DOCK9: variants seen among roughly 807,000 people sequenced by gnomAD.
DOCK9 encodes dedicator of cytokinesis protein 9.
Under a neutral mutation model 263.3 loss-of-function variants are expected in DOCK9, and 89 were observed. The ratio of observed to expected loss-of-function variants is 0.34; its 90% CI spans 0.28 to 0.40. DOCK9 has a LOEUF of 0.40. Among genes scored for constraint, DOCK9 ranks in the 10% least tolerant of loss-of-function variants. The pLI, the probability that DOCK9 is intolerant of heterozygous loss-of-function variation, is 1.00. For missense variants in DOCK9, 2,140 were observed against 2,603.4 expected, an observed-to-expected ratio of 0.82 and a Z score of 3.87; for synonymous variants, 976 against 973.1, an observed-to-expected ratio of 1.00 and a Z score of -0.06.
intron 1 of DOCK9, chr13:99,015,664 C>A: frequency 6.6e-7 from 1 of 1,510,556 alleles, no homozygotes; most frequent in South Asian, 1.3e-5. Flanking sequence ...TCCACATCCT[C>A]TTCCTTGGCT....
chr13:98,902,097 A>G (rs1241944837), intron 12 of DOCK9, among the ~76,000 whole-genome samples, 191 bp downstream of exon 12: 6 of 152,248 alleles, frequency 3.9e-5, no homozygotes. Context: ...GAGAACTTTT[A>G]GAAAGAAGAA....
At chr13:98,921,554 T>G (rs1234764779) in intron 6 of DOCK9, among the ~76,000 whole-genome samples, 1 of 152,330 alleles carries the variant, frequency 6.6e-6, no homozygotes, top group East Asian at 1.9e-4. Flanking sequence ...CCTTTGTTAT[T>G]AATCCTGATG....
chr13:98,845,852 G>A (rs2093373215), intron 38 of DOCK9, 72 bp downstream of exon 38: 5 of 1,567,704 alleles, frequency 3.2e-6, no homozygotes, highest in South Asian at 1.2e-5. Context: ...TGGTAGGTGT[G>A]GCCTAGGGCT....
Position 98,809,435 on chromosome 13 carries a change from G to C in DOCK9, c.5284C>G (p.Arg1762Gly), listed in dbSNP as rs1334023997. The change falls in exon 47 of 53, where the codon CGG becomes GGG. Residue 1762 changes from arginine to glycine, a missense_variant. Arg to Gly is a moderately radical substitution (Grantham distance 125). Coordinates refer to ENST00000682017, the MANE Select transcript of DOCK9 (RefSeq NM_001366683.2). Reference sequence around the variant, plus strand: ...ACCTCGGTCACTTTGCTGTAGGCCCGGTGCAGCGTGTCATACAGATGGGCC... The same window carrying C: ...ACCTCGGTCACTTTGCTGTAGGCCCCGTGCAGCGTGTCATACAGATGGGCC... ...RLAHLYDTLH[R>G]AYSKVTEVMH... 6.2e-7 allele frequency: 1 copy of C among 1,612,112 alleles called. No individual in the cohort carries two copies. The highest frequency in any genetic ancestry group is 1.7e-5 in the Admixed American group (1 of 59,624).
At chr13:98,839,453 G>T (rs9584946) in intron 38 of DOCK9, among the ~76,000 whole-genome samples, 1 of 152,070 alleles carries the variant, frequency 6.6e-6, no homozygotes, top group Non-Finnish European at 1.5e-5. Flanking sequence ...TGTGGTAAGA[G>T]GGCACACACA....
chr13:99,052,816 G>A (rs2040761654), intron 1 of DOCK9, among the ~76,000 whole-genome samples: 1 of 151,600 alleles, frequency 6.6e-6, no homozygotes, highest in Non-Finnish European at 1.5e-5. Context: ...TGTTGCCCAG[G>A]CTCTTTGCCC....
At chr13:98,826,997 T>C in intron 43 of DOCK9, 110 bp from the exon 44 acceptor site, 1 of 711,612 alleles carries the variant, frequency 1.4e-6, no homozygotes, top group Non-Finnish European at 2.3e-6. Flanking sequence ...TAGATCTCAA[T>C]GCACCAGCTA....
At chr13:98,818,142 T>C (rs1462991598) in intron 45 of DOCK9, among the ~76,000 whole-genome samples, 1 of 152,220 alleles carries the variant, frequency 6.6e-6, no homozygotes, top group Non-Finnish European at 1.5e-5. Flanking sequence ...CTCACATAAG[T>C]AGAGTGTGGA....
intron 15 of DOCK9, among the ~76,000 whole-genome samples, chr13:98,889,218 C>A (rs1345317612): frequency 6.6e-6 from 1 of 152,064 alleles, no homozygotes; most frequent in Non-Finnish European, 1.5e-5. Context: ...TAGAATGATA[C>A]AATGAACTTT....
chr13:98,840,946 C>A (rs2093187673), intron 38 of DOCK9, among the ~76,000 whole-genome samples: 1 of 152,194 alleles, frequency 6.6e-6, no homozygotes, highest in Non-Finnish European at 1.5e-5. Context: ...AAGACCTAGT[C>A]TCCTAGATAC....
chr13:98,821,344 G>A (rs1266819222), intron 45 of DOCK9, among the ~76,000 whole-genome samples: 1 of 152,112 alleles, frequency 6.6e-6, no homozygotes, highest in Non-Finnish European at 1.5e-5. Context: ...AAGCTCACAG[G>A]TCCTGCCAGG....
At chr13:99,060,062 C>CTTTTTTTTTTTTTTTTTTTT (rs71114576) in intron 1 of DOCK9, among the ~76,000 whole-genome samples, 1 of 61,462 alleles carries the variant, frequency 1.6e-5, no homozygotes, top group African/African-American at 7.9e-5. Context: ...ATTGTTTCTA[C>CTTTTTTTTTTTTTTTTTTTT]TTTTTTTTTT....
At chr13:98,969,455 G>A (rs1449809851) in intron 1 of DOCK9, among the ~76,000 whole-genome samples, 2 of 114,290 alleles carry the variant, frequency 1.7e-5, no homozygotes, top group East Asian at 3.5e-4. Context: ...GCTGAGAAGC[G>A]GGAGAAAGAA....
In DOCK9 at chr13:98,864,287, G is replaced by A. The variant is rs375398738; in HGVS notation, c.3287-739C>T. ...AATGACAAAACTGAGAGCTCTTCTG[G>A]AAAACAGATAGGAGCAAACATGAAC... On this transcript the variant is annotated intron_variant, in intron 30 of 52. Coordinates refer to ENST00000682017, the MANE Select transcript of DOCK9 (RefSeq NM_001366683.2). Among the ~76,000 whole-genome samples, 228 of 152,254 alleles carry A rather than the reference G, an allele frequency of 1.5e-3. 6 individuals are homozygous for A. The South Asian group carries it at 0.045, about 30-fold the overall frequency.
intron 1 of DOCK9, 65 bp from the exon 2 acceptor site, chr13:98,955,616 T>A: frequency 1.8e-6 from 2 of 1,100,788 alleles, no homozygotes; most frequent in Non-Finnish European, 2.7e-6. Flanking sequence ...GATAAAGAAC[T>A]TAGTATGTTC....
intron 1 of DOCK9, among the ~76,000 whole-genome samples, chr13:99,077,854 A>G (rs1417788435): frequency 6.6e-6 from 1 of 152,146 alleles, no homozygotes; most frequent in Non-Finnish European, 1.5e-5. Context: ...CCCACACTCA[A>G]TGGAGAGGTA....
rs546326243 is a variant in DOCK9 at position 98,983,626 on chromosome 13, T to A, written c.130-28075A>T. Among the ~76,000 whole-genome samples the A allele has an allele frequency of 1.0e-3, 153 of 151,592 alleles. 1 individual carries two copies. The highest frequency in any genetic ancestry group is 6.8e-3 in the Middle Eastern group (2 of 294). On this transcript the variant is annotated intron_variant, in intron 1 of 32. Transcript: ENST00000427887. ...CTCCTCAATTATTATTATTATTATT[T>A]TTTTTTTTGAGATGGAGTCTCACTC...
chr13:99,047,863 G>T (rs7984397), intron 1 of DOCK9, among the ~76,000 whole-genome samples: 2 of 151,780 alleles, frequency 1.3e-5, no homozygotes, highest in South Asian at 4.2e-4. Context: ...ACCTTTCCAG[G>T]AAAGTGTCCC....
In DOCK9 at chr13:98,794,692, G is replaced by A. The variant is rs369024723; in HGVS notation, c.6213C>T (p.Asn2071=). The A allele has an allele frequency of 1.6e-4, 260 of 1,613,842 alleles. No individual in the cohort carries two copies. Among genetic ancestry groups the A allele is most frequent in the South Asian group, 8.1e-4 (74 of 91,028 alleles). The change falls in exon 53 of 53, where the codon AAC becomes AAT. Residue 2071 remains asparagine, a synonymous_variant. Transcript: ENST00000682017. Reference sequence around the variant, plus strand: ...TGCTTGTTGGAGTCCCACTGATGGCGTTGAAGATGTGAAGGGAATTCGGTA... The same window carrying A: ...TGCTTGTTGGAGTCCCACTGATGGCATTGAAGATGTGAAGGGAATTCGGTA... ...SVLPNSLHIF[N]AISGTPTSTM...
Sources: gnomAD v4.1 joint callset for allele counts (sites outside exome capture counted in the v4.1 genomes callset) on GRCh38, gnomAD v4.1.1 for gene constraint, MANE v1.5 for transcripts, NCBI Gene and HGNC (gene_info 2026-07-23, HGNC 2026-07-21) for gene names.